SDHAF3: variants seen among roughly 807,000 people sequenced by gnomAD.
The protein encoded by SDHAF3 is succinate dehydrogenase assembly factor 3, mitochondrial.
SDHAF3 carries 18 observed loss-of-function variants against 11.5 expected under a neutral mutation model. The observed-to-expected ratio is 1.56, with a 90% confidence interval of 1.08 to 2.32. The LOEUF is 2.32. Among genes scored for constraint, SDHAF3 ranks in the 30% most tolerant of loss-of-function variants. The probability of loss-of-function intolerance (pLI) is 0.00; values close to 1 mark genes in which losing one functional copy is unlikely to be tolerated. For missense variants in SDHAF3, 200 were observed against 154.4 expected (o/e 1.30, Z -1.57); for synonymous variants, 72 against 59.3 (o/e 1.21, Z -0.99).
chr7:97,164,557 G>C (rs1434481868), intron 1 of SDHAF3, among the ~76,000 whole-genome samples: 1 of 151,548 alleles, frequency 6.6e-6, no homozygotes. Flanking sequence ...TGTATTTTTA[G>C]TAGAGATGGG....
chr7:97,136,020 G>A (rs1026635526), intron 1 of SDHAF3, among the ~76,000 whole-genome samples: 6 of 151,914 alleles, frequency 3.9e-5, no homozygotes, highest in Non-Finnish European at 8.8e-5. Context: ...GAAGAATTTG[G>A]TAGGTTCATG....
intron 1 of SDHAF3, among the ~76,000 whole-genome samples, chr7:97,149,923 C>T (rs1789191864): frequency 6.6e-6 from 1 of 152,216 alleles, no homozygotes; most frequent in Non-Finnish European, 1.5e-5. Context: ...CCCTCAAAGT[C>T]CTCTTGCTGC....
At chr7:97,151,593 G>A (rs555198193) in intron 1 of SDHAF3, among the ~76,000 whole-genome samples, 6 of 151,724 alleles carry the variant, frequency 4.0e-5, no homozygotes, top group Middle Eastern at 3.4e-3. Context: ...CTGCCCCCCG[G>A]GTTCCTGCCA....
intron 1 of SDHAF3, among the ~76,000 whole-genome samples, chr7:97,138,345 T>A (rs1788963896): frequency 6.6e-6 from 1 of 152,008 alleles, no homozygotes; most frequent in African/African-American, 2.4e-5. Flanking sequence ...GCGTTTTTAG[T>A]AGAGACAGGG....
At chr7:97,165,115 T>A (rs1789481368) in intron 1 of SDHAF3, among the ~76,000 whole-genome samples, 1 of 151,964 alleles carries the variant, frequency 6.6e-6, no homozygotes, top group Non-Finnish European at 1.5e-5. Context: ...AAACCCCATC[T>A]CTACTAAAAA....
chr7:97,171,650 T>C (rs1789602980), intron 1 of SDHAF3, among the ~76,000 whole-genome samples: 1 of 152,102 alleles, frequency 6.6e-6, no homozygotes, highest in South Asian at 2.1e-4. Flanking sequence ...TTTCATAAAA[T>C]GTTTTAAACC....
At chr7:97,143,049 G>A (rs995877919) in intron 1 of SDHAF3, among the ~76,000 whole-genome samples, 25 of 151,666 alleles carry the variant, frequency 1.6e-4, no homozygotes, top group Admixed American at 1.1e-3. Flanking sequence ...ACAGGCAGAC[G>A]CCACCACATC....
intron 1 of SDHAF3, among the ~76,000 whole-genome samples, chr7:97,129,920 C>T (rs1264429045): frequency 1.3e-5 from 2 of 152,118 alleles, no homozygotes; most frequent in East Asian, 3.9e-4. Context: ...GGTGGGTCTG[C>T]GGTGGGATGG....
Position 97,117,719 on chromosome 7 carries a change from G to A in SDHAF3, c.-5G>A, listed in dbSNP as rs760600848. On this transcript the variant is annotated 5_prime_UTR_variant, in exon 1 of 2. Transcript: ENST00000432641. ...AGGCGCAGTCGGCGGTCGGCGTGGG[G>A]CGCTATGCCGGGGCGGCACGTTTCT... is the stretch of plus-strand genomic sequence containing the variant. 4.0e-5 allele frequency: 65 copies of A among 1,610,588 alleles called. 1 individual carries two copies. The Middle Eastern group carries it at 6.6e-4, about 16-fold the overall frequency.
chr7:97,139,312 C>A (rs537768953), intron 1 of SDHAF3, among the ~76,000 whole-genome samples: 2 of 152,186 alleles, frequency 1.3e-5, no homozygotes, highest in African/African-American at 4.8e-5. Flanking sequence ...GGTAGTCCCC[C>A]ACACCCGGAG....
At chr7:97,172,219 A>G (rs1789610988) in intron 1 of SDHAF3, among the ~76,000 whole-genome samples, 1 of 152,196 alleles carries the variant, frequency 6.6e-6, no homozygotes. Context: ...TGATTATTTT[A>G]CTTGGGAAGC....
intron 1 of SDHAF3, among the ~76,000 whole-genome samples, chr7:97,159,073 C>G (rs577485529): frequency 5.9e-5 from 9 of 152,270 alleles, no homozygotes; most frequent in Non-Finnish European, 8.8e-5. Flanking sequence ...CTATTATTTT[C>G]CAGCAAAATG....
chr7:97,180,067 G>A (rs912089033), intron 1 of SDHAF3, among the ~76,000 whole-genome samples: 2 of 152,212 alleles, frequency 1.3e-5, no homozygotes, highest in Admixed American at 1.3e-4. Context: ...CAAAACAGTG[G>A]CACTTGTGCA....
In SDHAF3 at chr7:97,117,975, G is replaced by A. The variant is rs1336240634; in HGVS notation, c.174+78G>A. ...CAGGTTTCTAGTTCCAGTCCCCCATGCGGGGTTAAACAGAGCAGCAACCTG... is the reference window on the plus strand; with the variant it reads ...CAGGTTTCTAGTTCCAGTCCCCCATACGGGGTTAAACAGAGCAGCAACCTG... On this transcript the variant is annotated intron_variant, in intron 1 of 1. Coordinates refer to ENST00000432641, the MANE Select transcript of SDHAF3 (RefSeq NM_020186.3). 6 of 1,544,974 alleles carry A rather than the reference G, an allele frequency of 3.9e-6. No homozygotes were observed. In the African/African-American group the frequency reaches 5.5e-5, roughly 14 times the overall value.
intron 1 of SDHAF3, among the ~76,000 whole-genome samples, chr7:97,151,903 T>A (rs1470648825): frequency 6.6e-6 from 1 of 152,144 alleles, no homozygotes; most frequent in Non-Finnish European, 1.5e-5. Flanking sequence ...GGTTCCCTGC[T>A]GTTCCCCAGT....
intron 1 of SDHAF3, among the ~76,000 whole-genome samples, chr7:97,153,214 T>A (rs532067257): frequency 2.1e-4 from 32 of 152,362 alleles, no homozygotes; most frequent in African/African-American, 7.2e-4. Flanking sequence ...ACTTGTAATT[T>A]TTGCAAAGGT....
intron 1 of SDHAF3, among the ~76,000 whole-genome samples, chr7:97,173,458 A>T (rs1395087641): frequency 2.0e-5 from 3 of 152,080 alleles, no homozygotes; most frequent in African/African-American, 7.2e-5. Context: ...CCAGATTTTT[A>T]AATCACAAAC....
chr7:97,165,430 G>C (rs1233348232), intron 1 of SDHAF3, among the ~76,000 whole-genome samples: 1 of 91,120 alleles, frequency 1.1e-5, no homozygotes, highest in African/African-American at 4.1e-5. Context: ...GTTTTTTATG[G>C]GTATTTATTT....
intron 1 of SDHAF3, among the ~76,000 whole-genome samples, chr7:97,145,686 CTTCATGGTCTCATT>C (rs1385475762): frequency 2.0e-5 from 3 of 152,202 alleles, no homozygotes. Context: ...TGAATGACCA[CTTCATGGTCTCATT>C]ACCATTTTGA....
Sources: allele counts gnomAD v4.1 joint callset (sites outside exome capture counted in the v4.1 genomes callset), GRCh38; gene constraint gnomAD v4.1.1; transcripts MANE v1.5; gene names NCBI Gene and HGNC (gene_info 2026-07-23, HGNC 2026-07-21).